PRTG: variants seen among roughly 807,000 people sequenced by gnomAD.
The protein encoded by PRTG is protogenin.
PRTG carries 67 observed loss-of-function variants against 122.5 expected under a neutral mutation model. That is an observed-to-expected ratio of 0.55 (90% CI 0.45 to 0.67). PRTG has a LOEUF of 0.67. Among genes scored for constraint, PRTG ranks in the 30% least tolerant of loss-of-function variants. PRTG has a pLI of 0.00. For synonymous variants in PRTG, 554 were observed against 501.1 expected, an observed-to-expected ratio of 1.11 and a Z score of -1.41; for missense variants, 1,435 against 1,415.4, an observed-to-expected ratio of 1.01 and a Z score of -0.22.
intron 2 of PRTG, among the ~76,000 whole-genome samples, chr15:55,727,102 C>G (rs1315451461): frequency 6.6e-6 from 1 of 150,658 alleles, no homozygotes; most frequent in Non-Finnish European, 1.5e-5. Flanking sequence ...CTTGAAGAAC[C>G]AGAAAAAGAA....
At chr15:55,709,695 C>G (rs1278454418) in intron 2 of PRTG, among the ~76,000 whole-genome samples, 4 of 152,112 alleles carry the variant, frequency 2.6e-5, no homozygotes, top group Non-Finnish European at 4.4e-5. Context: ...TGGAATGCTA[C>G]TTAACAACCA....
intron 2 of PRTG, among the ~76,000 whole-genome samples, chr15:55,710,279 T>C (rs2030326775): frequency 6.6e-6 from 1 of 152,224 alleles, no homozygotes; most frequent in African/African-American, 2.4e-5. Flanking sequence ...CATCAGTTTC[T>C]TCATCCTCAA....
intron 2 of PRTG, among the ~76,000 whole-genome samples, chr15:55,733,717 C>T (rs1224531526): frequency 2.0e-5 from 3 of 151,956 alleles, no homozygotes; most frequent in Admixed American, 6.6e-5. Context: ...GCTCCAGCTA[C>T]TCGGTAGACT....
Position 55,675,659 on chromosome 15 carries a change from A to G in PRTG, c.1406T>C (p.Val469Ala). ...AEGLNNEEYQ[V>A]VIGNDTTHYI... ...ATGAGTTGTGTCATTTCCGATGACT[A>G]CTTGATACTCTTCATTATTTAAACC... Residue 469 changes from valine to alanine, a missense_variant, in exon 9 of 20, where the codon GTA becomes GCA. By Grantham distance (64) the Val-to-Ala change is moderately conservative (BLOSUM62 0). Transcript: ENST00000389286. 1 of 1,574,938 alleles carries G rather than the reference A, an allele frequency of 6.3e-7. No individual in the cohort carries two copies. The highest frequency in any genetic ancestry group is 8.7e-7 in the Non-Finnish European group (1 of 1,146,590).
chr15:55,741,332 G>T (rs1387921803), intron 1 of PRTG, among the ~76,000 whole-genome samples: 2 of 152,208 alleles, frequency 1.3e-5, no homozygotes, highest in East Asian at 3.8e-4. Flanking sequence ...AACTCTTGCT[G>T]CTTGTACTCA....
chr15:55,656,724 G>A (rs1291426485), intron 11 of PRTG, among the ~76,000 whole-genome samples: 1 of 152,194 alleles, frequency 6.6e-6, no homozygotes, highest in Non-Finnish European at 1.5e-5. Context: ...TAGCCAGGAT[G>A]GTCTCGATCT....
At chr15:55,625,180 A>C (rs2059187976) in intron 17 of PRTG, among the ~76,000 whole-genome samples, 1 of 152,178 alleles carries the variant, frequency 6.6e-6, no homozygotes, top group East Asian at 1.9e-4. Context: ...AACAAAACCC[A>C]AAATATAAAA....
intron 2 of PRTG, among the ~76,000 whole-genome samples, chr15:55,726,057 C>T (rs1393603699): frequency 6.6e-5 from 10 of 152,280 alleles, no homozygotes; most frequent in African/African-American, 2.4e-4. Flanking sequence ...AATTCTCCTG[C>T]CTCAGCCTCC....
chr15:55,624,404 C>T lies in PRTG; in HGVS notation c.3031G>A (p.Ala1011Thr), dbSNP rs1478850825. 5.0e-6 allele frequency: 8 copies of T among 1,614,094 alleles called. No homozygotes were observed. Among genetic ancestry groups the T allele is most frequent in the Non-Finnish European group, 6.8e-6 (8 of 1,179,964 alleles). The change falls in exon 18 of 20, where the codon GCT becomes ACT. Residue 1011 changes from alanine to threonine, a missense_variant. By Grantham distance (58) the Ala-to-Thr change is moderately conservative. Transcript: ENST00000389286. ...GNEVGKNLEG[A>T]VGNEESLMPM... is the part of the protein sequence containing the mutation. ...ATTAAAGATTCTTCATTTCCTACAG[C>T]TCCTTCCAGGTTCTTTCCTACCTCA...
In PRTG at chr15:55,703,503, T is replaced by C. The variant is rs1034328483; in HGVS notation, c.398-19572A>G. Among the ~76,000 whole-genome samples, 4 of 152,076 alleles carry C rather than the reference T, an allele frequency of 2.6e-5. No homozygotes were observed. In the South Asian group the frequency reaches 8.3e-4, roughly 32 times the overall value. On this transcript the variant is annotated intron_variant, in intron 2 of 19. Transcript: ENST00000389286. ...AACACCAGAAGTAGATGTAGAAATG[T>C]GATAAGAGGAAGAGTCTGTGTTGGT...
At chr15:55,622,680 C>T (rs572878000) in intron 18 of PRTG, among the ~76,000 whole-genome samples, 20 of 152,086 alleles carry the variant, frequency 1.3e-4, no homozygotes, top group African/African-American at 3.4e-4. Flanking sequence ...CGTGAGCCAC[C>T]GCGCCCGGCC....
At chr15:55,682,276 T>C (rs2077597589) in intron 4 of PRTG, 88 bp downstream of exon 4, 2 of 1,102,316 alleles carry the variant, frequency 1.8e-6, no homozygotes, top group Non-Finnish European at 2.4e-6. Context: ...AAATTCTACT[T>C]TATGGCACAT....
intron 2 of PRTG, among the ~76,000 whole-genome samples, chr15:55,704,717 A>G (rs1479186723): frequency 6.6e-6 from 1 of 151,876 alleles, no homozygotes; most frequent in Non-Finnish European, 1.5e-5. Context: ...TATAACATCA[A>G]TTAGTCTACT....
intron 2 of PRTG, among the ~76,000 whole-genome samples, chr15:55,718,912 T>C (rs542269943): frequency 1.3e-5 from 2 of 152,020 alleles, no homozygotes; most frequent in African/African-American, 4.8e-5. Flanking sequence ...TCGGCTAATT[T>C]TTTTTTATTT....
At chr15:55,674,664 A>G (rs2059492098) in intron 9 of PRTG, among the ~76,000 whole-genome samples, 2 of 152,218 alleles carry the variant, frequency 1.3e-5, no homozygotes. Flanking sequence ...AAGTGGCATG[A>G]TAAAGATATA....
intron 2 of PRTG, among the ~76,000 whole-genome samples, chr15:55,734,009 C>G (rs2031328111): frequency 6.6e-6 from 1 of 152,190 alleles, no homozygotes; most frequent in South Asian, 2.1e-4. Flanking sequence ...CAGGGATTCT[C>G]AATCAGGAGT....
chr15:55,650,825 G>C (rs1198726199), intron 11 of PRTG, among the ~76,000 whole-genome samples: 1 of 152,060 alleles, frequency 6.6e-6, no homozygotes. Flanking sequence ...AAATTAGCTA[G>C]GCATGATAGT....
intron 2 of PRTG, among the ~76,000 whole-genome samples, chr15:55,688,116 A>G (rs535548420): frequency 1.3e-5 from 2 of 152,372 alleles, no homozygotes; most frequent in Admixed American, 1.3e-4. Context: ...TGATCCGTCT[A>G]GCAGCTATCT....
At chr15:55,733,313 C>T (rs1426232534) in intron 2 of PRTG, among the ~76,000 whole-genome samples, 1 of 151,916 alleles carries the variant, frequency 6.6e-6, no homozygotes, top group African/African-American at 2.4e-5. Context: ...GAGTTCGAGA[C>T]CAGCCTGACC....
Sources: gnomAD v4.1 joint callset for allele counts (sites outside exome capture counted in the v4.1 genomes callset) on GRCh38, gnomAD v4.1.1 for gene constraint, MANE v1.5 for transcripts, NCBI Gene and HGNC (gene_info 2026-07-23, HGNC 2026-07-21) for gene names.